WNT2B: variants seen among roughly 807,000 people sequenced by gnomAD.
The protein encoded by WNT2B is Wnt family member 2B.
A neutral mutation model predicts 40.5 loss-of-function variants in WNT2B; 19 were observed. The observed-to-expected ratio is 0.47, with a 90% CI of 0.33 to 0.69. The LOEUF is 0.69. Among genes scored for constraint, WNT2B ranks in the 30% least tolerant of loss-of-function variants. The probability of loss-of-function intolerance (pLI) is 0.02; values close to 1 mark genes in which losing one functional copy is unlikely to be tolerated. For synonymous variants in WNT2B, 220 were observed against 211.9 expected (o/e 1.04, Z -0.33); for missense variants, 467 against 556.4 (o/e 0.84, Z 1.62).
At position 112,526,669 on chromosome 1, in the gene WNT2B, A is replaced by G. The variant is rs1653463220; in HGVS notation, c.*6160A>G. On this transcript the variant is annotated 3_prime_UTR_variant, in exon 5 of 5. Transcript: ENST00000369684. The stretch of plus-strand genomic sequence containing the variant: ...GGCAGGAGAATGGCGTGAACCCAGG[A>G]GGCAGAGCTTGCAGTGAGCCAAGAT... 2 of 151,638 alleles carry G rather than the reference A, an allele frequency of 1.3e-5. No individual in the cohort carries two copies. Among genetic ancestry groups the G allele is most frequent in the Non-Finnish European group, 2.9e-5 (2 of 68,120 alleles). 9.4% of individuals were successfully genotyped at this position (151,638 alleles called of 1,614,324 possible).
chr1:112,479,008 G>A lies in WNT2B; in HGVS notation c.-95+11417G>A, dbSNP rs147374668. 7.6e-3 allele frequency among the ~76,000 whole-genome samples: 1,162 copies of A among 152,082 alleles called. 18 individuals are homozygous for A. The highest frequency in any genetic ancestry group is 0.027 in the African/African-American group (1,110 of 41,496). ...GGCCAAGGTGGGCGGATCCCCTCAGGTCAGGAGTTTGAGACCAGCCAGACC... is the reference window on the plus strand; with the variant it reads ...GGCCAAGGTGGGCGGATCCCCTCAGATCAGGAGTTTGAGACCAGCCAGACC... On this transcript the variant is annotated intron_variant, in intron 1 of 4. Transcript: ENST00000256640.
intron 1 of WNT2B, among the ~76,000 whole-genome samples, chr1:112,480,248 T>C (rs1218589229): frequency 1.3e-5 from 2 of 151,286 alleles, no homozygotes; most frequent in South Asian, 2.1e-4. Context: ...GCACTTATAA[T>C]GCCAGTTACT....
Position 112,509,565 on chromosome 1 carries a change from C to A in WNT2B, c.182+121C>A. 2 of 1,086,128 alleles carry A rather than the reference C, an allele frequency of 1.8e-6. No homozygotes were observed. The highest frequency in any genetic ancestry group is 2.1e-5 in the South Asian group (1 of 47,558). 67.3% of individuals were successfully genotyped at this position (1,086,128 alleles called of 1,614,324 possible). On this transcript the variant is annotated intron_variant, in intron 1 of 4. Transcript: ENST00000369684. The surrounding 1 kb of genome is among the most constrained non-coding windows in gnomAD (Gnocchi z 4.2). ...TTCGACGGGTTGGAGACGATTCGGGCAGGACTGTCACTGAAATCTGAAGTC... is the reference window on the plus strand; with the variant it reads ...TTCGACGGGTTGGAGACGATTCGGGAAGGACTGTCACTGAAATCTGAAGTC...
chr1:112,469,017 G>A (rs947105030), intron 1 of WNT2B, among the ~76,000 whole-genome samples: 2 of 152,180 alleles, frequency 1.3e-5, no homozygotes, highest in African/African-American at 4.8e-5. Context: ...GCATTCTTGT[G>A]CATATGGTTA....
chr1:112,503,379 A>T (rs1358011905), intron 1 of WNT2B, among the ~76,000 whole-genome samples: 1 of 151,754 alleles, frequency 6.6e-6, no homozygotes, highest in East Asian at 1.9e-4. Context: ...GGGGGAAAAA[A>T]CCCTCAGGTT....
At chr1:112,495,314 C>T (rs572278029) in intron 1 of WNT2B, among the ~76,000 whole-genome samples, 6 of 146,544 alleles carry the variant, frequency 4.1e-5, no homozygotes, top group African/African-American at 8.3e-5. Context: ...TGGTGGCTCA[C>T]GTCTGTAATC....
chr1:112,473,129 GAGAA>G (rs947527778), intron 1 of WNT2B, among the ~76,000 whole-genome samples: 4 of 106,132 alleles, frequency 3.8e-5, no homozygotes, highest in Non-Finnish European at 7.6e-5. Flanking sequence ...AAAGAAAAAA[GAGAA>G]AGAAAGAAGA....
At chr1:112,516,067 G>C in intron 2 of WNT2B, 73 bp from the exon 3 acceptor site, 1 of 1,535,486 alleles carries the variant, frequency 6.5e-7, no homozygotes, top group Non-Finnish European at 8.8e-7. Flanking sequence ...CAGAGTCAGA[G>C]GTTGTATGGG....
chr1:112,508,996 G>T lies in WNT2B; in HGVS notation c.-267G>T. On this transcript the variant is annotated 5_prime_UTR_variant, in exon 1 of 5. Transcript: ENST00000369684. This position sits in a 1 kb window ranked among gnomAD's most constrained non-coding sequence, Gnocchi z 4.2. ...TAGGCCCGCAGCTCCCTTCAGCGCCGCAGACCCCCTGACACCGCACCCGGT... is the reference window on the plus strand; with the variant it reads ...TAGGCCCGCAGCTCCCTTCAGCGCCTCAGACCCCCTGACACCGCACCCGGT... 1.5e-6 allele frequency: 2 copies of T among 1,305,212 alleles called. No homozygotes were observed. Among genetic ancestry groups the T allele is most frequent in the African/African-American group, 1.6e-5 (1 of 64,288 alleles). The allele number at this position is 1,305,212 out of a possible 1,614,324, so 80.9% of individuals were successfully genotyped here.
At chr1:112,495,989 C>T (rs1301339186) in intron 1 of WNT2B, among the ~76,000 whole-genome samples, 1 of 152,164 alleles carries the variant, frequency 6.6e-6, no homozygotes, top group Non-Finnish European at 1.5e-5. Flanking sequence ...ATAAGGGCAT[C>T]TAATCCCATT....
intron 1 of WNT2B, among the ~76,000 whole-genome samples, chr1:112,478,406 G>A (rs1651117127): frequency 6.6e-6 from 1 of 151,952 alleles, no homozygotes; most frequent in African/African-American, 2.4e-5. Context: ...CTACATCAAG[G>A]CATATTATAA....
intron 1 of WNT2B, among the ~76,000 whole-genome samples, chr1:112,491,238 T>C (rs1651594743): frequency 6.6e-6 from 1 of 151,950 alleles, no homozygotes; most frequent in Non-Finnish European, 1.5e-5. Context: ...TGAAACTCCG[T>C]CTCTACCAAA....
chr1:112,476,777 C>T (rs1179018381), intron 1 of WNT2B, among the ~76,000 whole-genome samples: 1 of 152,188 alleles, frequency 6.6e-6, no homozygotes, highest in Non-Finnish European at 1.5e-5. Flanking sequence ...AGGGTCCATG[C>T]TGCTGTGTCC....
intron 1 of WNT2B, among the ~76,000 whole-genome samples, chr1:112,481,467 T>G (rs981443436): frequency 6.6e-6 from 1 of 152,214 alleles, no homozygotes; most frequent in Non-Finnish European, 1.5e-5. Context: ...GGGGAAAAAC[T>G]ACAAGCTTTC....
rs551883564 is a variant in WNT2B at position 112,496,529 on chromosome 1, C to T, written c.-94-18345C>T. Among the ~76,000 whole-genome samples the T allele has an allele frequency of 3.9e-4, 59 of 152,226 alleles. No individual in the cohort carries two copies. In the South Asian group the frequency reaches 0.012, roughly 30 times the overall value. On this transcript the variant is annotated intron_variant, in intron 1 of 4. Transcript: ENST00000256640. ...AAATTTCCCTCCAGCTATGAGCCCA[C>T]GAAACCAAACAACTTACATGCTTCC...
chr1:112,522,134 A>C lies in WNT2B; in HGVS notation c.*1625A>C, dbSNP rs1676417331. On this transcript the variant is annotated 3_prime_UTR_variant, in exon 5 of 5. Coordinates refer to ENST00000369684, the MANE Select transcript of WNT2B (RefSeq NM_024494.3). The stretch of plus-strand genomic sequence containing the variant: ...CAGCCTCAAATTCCCAGGCTCAAGC[A>C]ATCCTCCCACCTCAGCCTCCCCATT... 6.6e-6 allele frequency: 1 copy of C among 152,218 alleles called. No individual in the cohort carries two copies. The highest frequency in any genetic ancestry group is 6.6e-5 in the Admixed American group (1 of 15,252). The allele number at this position is 152,218 out of a possible 1,614,324, so 9.4% of individuals were successfully genotyped here. A position where few individuals can be genotyped will look rare whatever the true frequency, so the allele number is the denominator to read the frequency against.
intron 1 of WNT2B, among the ~76,000 whole-genome samples, chr1:112,490,735 C>T (rs1372324973): frequency 2.6e-5 from 4 of 152,070 alleles, no homozygotes; most frequent in East Asian, 1.9e-4. Context: ...GTGATCTGCC[C>T]ACCTCAGCCT....
Position 112,527,940 on chromosome 1 carries a change from A to G in WNT2B, c.*7431A>G, listed in dbSNP as rs1203206601. ...TGAAAAGGTCATCAATAGGCCTTCA[A>G]AATATTTGTGTGTAATAAGTAGACA... On this transcript the variant is annotated 3_prime_UTR_variant, in exon 5 of 5. Transcript: ENST00000369684. The G allele has an allele frequency of 1.3e-5, 2 of 152,222 alleles. No individual in the cohort carries two copies. Among genetic ancestry groups the G allele is most frequent in the African/African-American group, 4.8e-5 (2 of 41,464 alleles). 9.4% of individuals were successfully genotyped at this position (152,222 alleles called of 1,614,324 possible).
At chr1:112,508,963 C>G, upstream of WNT2B, 1 of 1,243,866 alleles carries the variant, frequency 8.0e-7, no homozygotes. This position sits in a 1 kb window ranked among gnomAD's most constrained non-coding sequence, Gnocchi z 4.2. Context: ...AAGGGGCTGT[C>G]CGCACACTAG....
Sources: allele counts gnomAD v4.1 joint callset (sites outside exome capture counted in the v4.1 genomes callset), GRCh38; gene constraint gnomAD v4.1.1; non-coding constraint Gnocchi (gnomAD v3.1); transcripts MANE v1.5; gene names NCBI Gene and HGNC (gene_info 2026-07-23, HGNC 2026-07-21).